DOCK1: variants seen among roughly 807,000 people sequenced by gnomAD.
DOCK1 encodes the protein dedicator of cytokinesis 1.
A neutral mutation model predicts 262.7 loss-of-function variants in DOCK1; 138 were observed. The observed-to-expected ratio is 0.53, with a 90% CI of 0.46 to 0.61. The LOEUF (loss-of-function observed/expected upper bound fraction) is 0.61. Ranked by LOEUF, DOCK1 falls within the 20% of genes least tolerant of loss-of-function variation. The pLI is 0.00. For synonymous variants in DOCK1, 866 were observed against 867.4 expected (o/e 1.00, Z 0.03); for missense variants, 1,908 against 2,370.7 (o/e 0.80, Z 4.05).
At chr10:127,343,942 T>G (rs977960397) in intron 31 of DOCK1, among the ~76,000 whole-genome samples, 196 bp downstream of exon 31, 3 of 152,250 alleles carry the variant, frequency 2.0e-5, no homozygotes, top group African/African-American at 7.2e-5. Flanking sequence ...GGACTCATCC[T>G]GGAAGGTTCC....
At chr10:127,096,275 T>G (rs10829363) in intron 23 of DOCK1, among the ~76,000 whole-genome samples, 1 of 152,018 alleles carries the variant, frequency 6.6e-6, no homozygotes, top group Admixed American at 6.5e-5. Context: ...TCTGTCCTGT[T>G]TGATCAAGTC....
At chr10:127,024,285 T>C (rs867003) in intron 14 of DOCK1, among the ~76,000 whole-genome samples, 61,027 of 152,012 alleles carry the variant, frequency 0.4, 12,506 homozygotes, top group African/African-American at 0.48. Flanking sequence ...GTCTTTCTGG[T>C]TGGAGTGAAG....
intron 27 of DOCK1, among the ~76,000 whole-genome samples, chr10:127,152,412 C>T (rs2483851): frequency 0.72 from 108,655 of 151,870 alleles, 43,573 homozygotes; most frequent in South Asian, 0.89. Flanking sequence ...AACCTCCTCA[C>T]TGGCAATTGC....
In DOCK1 at chr10:127,404,254, C is replaced by T. The variant is rs771191905; in HGVS notation, c.4018-71C>T. ...AAGTTGCCAGAGCTTTTAAAGAGCC[C>T]GCAAGAAGAATCCAGAGGCACACAT... On this transcript the variant is annotated intron_variant, in intron 39 of 51. Coordinates refer to ENST00000623213, the MANE Select transcript of DOCK1 (RefSeq NM_001290223.2). 12 of 1,366,378 alleles carry T rather than the reference C, an allele frequency of 8.8e-6. No individual in the cohort carries two copies. In the South Asian group the frequency reaches 8.9e-5, roughly 10 times the overall value. 84.6% of individuals were successfully genotyped at this position (1,366,378 alleles called of 1,614,324 possible).
intron 47 of DOCK1, among the ~76,000 whole-genome samples, chr10:127,426,568 G>A (rs535533045): frequency 1.3e-5 from 2 of 152,344 alleles, no homozygotes; most frequent in African/African-American, 2.4e-5. Flanking sequence ...TAAGCCAGAT[G>A]TGGTCAGGGG....
At chr10:126,967,233 G>A (rs899447479) in intron 1 of DOCK1, among the ~76,000 whole-genome samples, 17 of 152,174 alleles carry the variant, frequency 1.1e-4, no homozygotes, top group Admixed American at 1.3e-4. Flanking sequence ...CTTCTTAAAG[G>A]AGACAAGAAG....
intron 31 of DOCK1, among the ~76,000 whole-genome samples, chr10:127,353,473 G>A (rs943829114): frequency 4.6e-5 from 7 of 152,290 alleles, no homozygotes; most frequent in Non-Finnish European, 1.0e-4. Context: ...TGCTGCCTGC[G>A]TGCTTTCCCC....
intron 29 of DOCK1, among the ~76,000 whole-genome samples, chr10:127,320,005 G>A (rs925858541): frequency 2.0e-5 from 3 of 152,152 alleles, no homozygotes; most frequent in African/African-American, 7.2e-5. Flanking sequence ...ATATTATATA[G>A]GCCATGGAAT....
At chr10:127,042,547 C>A in intron 19 of DOCK1, 78 bp from the exon 20 acceptor site, 2 of 1,285,772 alleles carry the variant, frequency 1.6e-6, no homozygotes, top group Non-Finnish European at 1.1e-6. Flanking sequence ...TGGAGTACTG[C>A]AGAGATGATA....
At chr10:127,169,387 C>A (rs189221982) in intron 27 of DOCK1, among the ~76,000 whole-genome samples, 28 of 152,316 alleles carry the variant, frequency 1.8e-4, no homozygotes, top group Non-Finnish European at 3.7e-4. Context: ...CAGAAACCTT[C>A]TAAATGTGTG....
At chr10:127,373,942 C>T in intron 34 of DOCK1, 76 bp downstream of exon 34, 1 of 1,535,920 alleles carries the variant, frequency 6.5e-7, no homozygotes, top group Non-Finnish European at 8.8e-7. Flanking sequence ...CTACAATGAA[C>T]TTTGTAACCC....
At chr10:127,014,299 CTT>C (rs1426880892) in intron 12 of DOCK1, among the ~76,000 whole-genome samples, 1 of 152,214 alleles carries the variant, frequency 6.6e-6, no homozygotes, top group Non-Finnish European at 1.5e-5. Flanking sequence ...TGCTAATCCT[CTT>C]TGTTTTTAGT....
At chr10:126,925,767 T>TGC (rs997280703) in intron 1 of DOCK1, among the ~76,000 whole-genome samples, 7 of 141,010 alleles carry the variant, frequency 5.0e-5, no homozygotes, top group South Asian at 4.5e-4. Context: ...TGTGTGTGTG[T>TGC]GTGCGCCTAG....
chr10:127,439,096 C>A lies in DOCK1; in HGVS notation c.5130C>A (p.Asp1710Glu). 6.4e-7 allele frequency: 1 copy of A among 1,569,656 alleles called. No individual in the cohort carries two copies. The highest frequency in any genetic ancestry group is 1.2e-5 in the South Asian group (1 of 85,100). Residue 1710 changes from aspartate to glutamate, a missense_variant, in exon 49 of 52, where the codon GAC becomes GAA. Transcript: ENST00000623213. ...CCCAGGACAAGCTGGACAAGGATGACCTGGAGAAGGAGAAGAAGGACAAGA... is the reference window on the plus strand; with the variant it reads ...CCCAGGACAAGCTGGACAAGGATGAACTGGAGAAGGAGAAGAAGGACAAGA... ...SRSQDKLDKD[D>E]LEKEKKDKKK...
chr10:126,928,181 G>T (rs1301080900), intron 1 of DOCK1, among the ~76,000 whole-genome samples: 3 of 152,324 alleles, frequency 2.0e-5, no homozygotes, highest in Admixed American at 6.5e-5. Flanking sequence ...GCCGTGAATG[G>T]GAGAAAGGAC....
At chr10:127,392,861 C>T (rs1590858485) in intron 38 of DOCK1, among the ~76,000 whole-genome samples, 1 of 152,142 alleles carries the variant, frequency 6.6e-6, no homozygotes, top group Admixed American at 6.5e-5. Context: ...GACTTTAGCA[C>T]GACATTCACT....
intron 29 of DOCK1, among the ~76,000 whole-genome samples, chr10:127,300,983 A>G (rs2061660316): frequency 6.6e-6 from 1 of 152,168 alleles, no homozygotes; most frequent in South Asian, 2.1e-4. Context: ...AGCTTTTCCT[A>G]ACCCCCTAGC....
chr10:126,996,624 A>T, intron 6 of DOCK1, 124 bp from the exon 7 acceptor site: 2 of 933,424 alleles, frequency 2.1e-6, no homozygotes, highest in South Asian at 3.4e-5. Context: ...TATTCCTAAT[A>T]TTTTGGGCAA....
intron 43 of DOCK1, among the ~76,000 whole-genome samples, chr10:127,413,466 C>T (rs1015798831): frequency 2.0e-5 from 3 of 152,220 alleles, no homozygotes; most frequent in South Asian, 2.1e-4. Context: ...GCCCCTCCAG[C>T]GGGGAGCCTG....
Sources: allele counts gnomAD v4.1 joint callset (sites outside exome capture counted in the v4.1 genomes callset), GRCh38; gene constraint gnomAD v4.1.1; transcripts MANE v1.5; gene names NCBI Gene and HGNC (gene_info 2026-07-23, HGNC 2026-07-21).